Variants in FTCD observed in about 807,000 individuals in gnomAD.
FTCD encodes the protein formimidoyltransferase-cyclodeaminase.
Under a neutral mutation model 62.9 loss-of-function variants are expected in FTCD, and 76 were observed. The ratio of observed to expected loss-of-function variants is 1.21; its 90% CI spans 1.00 to 1.46. The LOEUF (loss-of-function observed/expected upper bound fraction) is 1.46. Ranked by LOEUF, FTCD falls within the 40% of genes most tolerant of loss-of-function variation. The pLI is 0.00. For synonymous variants in FTCD, 397 were observed against 336.9 expected, an observed-to-expected ratio of 1.18 and a Z score of -1.95; for missense variants, 845 against 751.3, an observed-to-expected ratio of 1.12 and a Z score of -1.46.
intron 10 of FTCD, among the ~76,000 whole-genome samples, chr21:46,144,848 C>T (rs560893919): frequency 6.7e-6 from 1 of 150,078 alleles, no homozygotes; most frequent in African/African-American, 2.5e-5. Context: ...CTGCCCTAGG[C>T]TCTGAGCACC....
At chr21:46,138,772 G>C (rs1447547014) in intron 11 of FTCD, 108 bp downstream of exon 11, 7 of 1,421,542 alleles carry the variant, frequency 4.9e-6, no homozygotes, top group Non-Finnish European at 6.9e-6. Flanking sequence ...CAAACACCCA[G>C]CACGCCCAGG....
chr21:46,139,616 TCAA>T (rs750327140), intron 10 of FTCD, among the ~76,000 whole-genome samples: 20 of 152,196 alleles, frequency 1.3e-4, no homozygotes, highest in Non-Finnish European at 1.3e-4. Flanking sequence ...AAAGTCATCA[TCAA>T]CAGCCCCTAC....
intron 10 of FTCD, among the ~76,000 whole-genome samples, chr21:46,140,684 C>T (rs1230852960): frequency 6.6e-6 from 1 of 151,064 alleles, no homozygotes; most frequent in African/African-American, 2.4e-5. Context: ...TCACGTGGCT[C>T]ACAGGGAGTG....
intron 10 of FTCD, among the ~76,000 whole-genome samples, chr21:46,140,070 T>C (rs989039264): frequency 5.9e-5 from 9 of 152,252 alleles, no homozygotes; most frequent in Non-Finnish European, 1.0e-4. Context: ...AAATTACTTA[T>C]GTATTTGGTG....
downstream of FTCD, chr21:46,136,440 C>T (rs1482450116): frequency 6.2e-7 from 1 of 1,612,524 alleles, no homozygotes; most frequent in Non-Finnish European, 8.5e-7. Context: ...GGGAGCTGCA[C>T]CTGGGAAGCG....
At chr21:46,138,106 G>A (rs1371134221) in intron 12 of FTCD, among the ~76,000 whole-genome samples, 2 of 152,104 alleles carry the variant, frequency 1.3e-5, no homozygotes, top group African/African-American at 4.8e-5. Flanking sequence ...GCCCAGGCTG[G>A]TCTCGACCTC....
intron 3 of FTCD, chr21:46,152,379 T>G: frequency 4.8e-6 from 1 of 210,366 alleles, no homozygotes; most frequent in Non-Finnish European, 9.5e-6. Flanking sequence ...ACGTGGGCCC[T>G]GCGTCGGGAT....
chr21:46,140,780 G>A (rs58313073), intron 10 of FTCD, among the ~76,000 whole-genome samples: 2 of 106,842 alleles, frequency 1.9e-5, no homozygotes, highest in African/African-American at 6.5e-5. Context: ...ACCTTCACGT[G>A]GCTCACAGGG....
At chr21:46,139,004 A>T (rs2078935867) in intron 10 of FTCD, 81 bp from the exon 11 acceptor site, 3 of 1,054,490 alleles carry the variant, frequency 2.8e-6, no homozygotes, top group Non-Finnish European at 4.5e-6. Context: ...AAGGGGCTGT[A>T]GCAAGGAGCA....
At chr21:46,153,752 T>C (rs534873969) in intron 2 of FTCD, among the ~76,000 whole-genome samples, 2 of 152,358 alleles carry the variant, frequency 1.3e-5, no homozygotes, top group South Asian at 2.1e-4. Context: ...ACCGAGGTGT[T>C]TGGCTTGTGG....
At chr21:46,142,099 T>TA (rs2123501640) in intron 10 of FTCD, 1 of 147,164 alleles carries the variant, frequency 6.8e-6, no homozygotes, top group East Asian at 1.9e-4. Context: ...AAAAAGTAAA[T>TA]AAATAAAACC....
chr21:46,151,684 A>G lies in FTCD; in HGVS notation c.510T>C (p.Ser170=). Reference sequence around the variant, plus strand: ...TCGCCCCCGTGGCCGTGGCCCCCCAACTGGGGACAAAGGAGCTGGGACCAA... The same window carrying G: ...TCGCCCCCGTGGCCGTGGCCCCCCAGCTGGGGACAAAGGAGCTGGGACCAA... ...PDFGPSSFVP[S]WGATATGARK... The change falls in exon 5 of 14, where the codon AGT becomes AGC. Residue 170 remains serine (S), a synonymous_variant. Transcript: ENST00000397746. 2 of 1,612,974 alleles carry G rather than the reference A, an allele frequency of 1.2e-6. No homozygotes were observed. The highest frequency in any genetic ancestry group is 8.5e-7 in the Non-Finnish European group (1 of 1,179,952).
At chr21:46,153,411 G>T (rs763588012) in intron 2 of FTCD, among the ~76,000 whole-genome samples, 1 of 151,924 alleles carries the variant, frequency 6.6e-6, no homozygotes, top group African/African-American at 2.4e-5. Flanking sequence ...AGGCAGCCCC[G>T]GCCAGGCCAA....
chr21:46,142,740 C>T (rs1426391523), intron 10 of FTCD: 1 of 152,218 alleles, frequency 6.6e-6, no homozygotes, highest in Non-Finnish European at 1.5e-5. Context: ...GCTTTTATGC[C>T]CTTATTTGGC....
chr21:46,154,155 GC>G lies in FTCD; in HGVS notation c.231del (p.Arg77SerfsTer12). The stretch of plus-strand genomic sequence containing the variant: ...GAGAGCCCAGAGACCTCACCTTGGT[GC>G]CTGCTCATGTCGATAAGTCGGGAAG... ...RVASRLIDMS[R>X]HQGEHPRMGA... On this transcript the variant is annotated frameshift_variant, in exon 2 of 14. Coordinates refer to ENST00000397746, the MANE Select transcript of FTCD (RefSeq NM_206965.2). LOFTEE classifies it high-confidence loss of function. The G allele has an allele frequency of 6.2e-7, 1 of 1,612,752 alleles. No individual in the cohort carries two copies. The highest frequency in any genetic ancestry group is 8.5e-7 in the Non-Finnish European group (1 of 1,179,914).
chr21:46,145,814 T>G lies in FTCD; in HGVS notation c.1098+4A>C. 1.8e-5 allele frequency: 6 copies of G among 324,420 alleles called. No individual in the cohort carries two copies. The highest frequency in any genetic ancestry group is 2.1e-5 in the Non-Finnish European group (6 of 281,170). 20.1% of individuals were successfully genotyped at this position (324,420 alleles called of 1,614,324 possible). A position where few individuals can be genotyped will look rare whatever the true frequency, so the allele number is the denominator to read the frequency against. On this transcript the variant is annotated splice_donor_region_variant and intron_variant, in intron 9 of 13. Coordinates refer to ENST00000397746, the MANE Select transcript of FTCD (RefSeq NM_206965.2). ...GCCTCCCCTGCCCCTCCCCCCGCGC[T>G]CACCATGGCCGCAGCGGCCGCCGCC...
chr21:46,137,128 C>A, intron 13 of FTCD, 55 bp from the exon 14 acceptor site: 4 of 1,609,984 alleles, frequency 2.5e-6, no homozygotes, highest in Non-Finnish European at 3.4e-6. Context: ...GCCCAGCTTG[C>A]TGGGCAGCAA....
intron 1 of FTCD, among the ~76,000 whole-genome samples, chr21:46,154,609 A>C (rs1480907735): frequency 6.6e-6 from 1 of 152,238 alleles, no homozygotes; most frequent in African/African-American, 2.4e-5. Context: ...CTGCTCCGAC[A>C]GACAGATGCC....
At chr21:46,144,254 G>C (rs986167910) in intron 10 of FTCD, among the ~76,000 whole-genome samples, 1 of 151,070 alleles carries the variant, frequency 6.6e-6, no homozygotes, top group Non-Finnish European at 1.5e-5. Context: ...GTGGTCCCCC[G>C]GGCCCAGCTG....
Sources: allele counts gnomAD v4.1 joint callset (sites outside exome capture counted in the v4.1 genomes callset), GRCh38; gene constraint gnomAD v4.1.1; transcripts MANE v1.5; gene names NCBI Gene and HGNC (gene_info 2026-07-23, HGNC 2026-07-21).